The following RABGAP1 variants were observed in gnomAD, a reference collection of about 807,000 sequenced individuals.
RABGAP1 encodes the protein RAB GTPase activating protein 1.
A neutral mutation model predicts 137.6 loss-of-function variants in RABGAP1; 23 were observed. The observed-to-expected ratio is 0.17, with a 90% CI of 0.12 to 0.24. RABGAP1 has a LOEUF of 0.24. Ranked by LOEUF, RABGAP1 falls within the 10% of genes least tolerant of loss-of-function variation. RABGAP1 has a pLI of 1.00. For synonymous variants in RABGAP1, 451 were observed against 450.7 expected (o/e 1.00, Z -0.01); for missense variants, 906 against 1,275.8 (o/e 0.71, Z 4.42).
At chr9:123,003,611 T>C (rs1265074507) in intron 10 of RABGAP1, among the ~76,000 whole-genome samples, 1 of 152,220 alleles carries the variant, frequency 6.6e-6, no homozygotes, top group Non-Finnish European at 1.5e-5. Context: ...AAATTGATTC[T>C]TTTTCCTTTC....
intron 23 of RABGAP1, 35 bp from the exon 24 acceptor site, chr9:123,099,443 C>T: frequency 1.3e-6 from 2 of 1,552,114 alleles, no homozygotes; most frequent in East Asian, 4.5e-5. Context: ...ATTACAATTG[C>T]TCAAGAGATT....
At chr9:122,952,702 T>C (rs941651444) in intron 1 of RABGAP1, among the ~76,000 whole-genome samples, 2 of 152,096 alleles carry the variant, frequency 1.3e-5, no homozygotes, top group South Asian at 4.1e-4. Context: ...CACTACCACA[T>C]TCCAGCCTGG....
At chr9:122,997,582 TTTTCTTTC>T (rs58405143) in intron 9 of RABGAP1, among the ~76,000 whole-genome samples, 2 of 151,148 alleles carry the variant, frequency 1.3e-5, no homozygotes, top group South Asian at 2.1e-4. Context: ...CCCCTCTTTC[TTTTCTTTC>T]TTTCTATTTA....
intron 5 of RABGAP1, 177 bp from the exon 6 acceptor site, chr9:122,989,879 T>C: frequency 3.1e-6 from 2 of 647,770 alleles, no homozygotes; most frequent in Non-Finnish European, 5.0e-6. Context: ...TAAAACCCCT[T>C]GTCTGGACAT....
At chr9:122,946,443 CTT>C (rs1488217298) in intron 1 of RABGAP1, among the ~76,000 whole-genome samples, 6 of 152,104 alleles carry the variant, frequency 3.9e-5, no homozygotes, top group African/African-American at 7.2e-5. Context: ...GAGGAAAAGT[CTT>C]TGACTAACCC....
chr9:123,087,882 C>A (rs1015335317), intron 19 of RABGAP1, among the ~76,000 whole-genome samples: 1 of 152,112 alleles, frequency 6.6e-6, no homozygotes, highest in African/African-American at 2.4e-5. Flanking sequence ...TGTTCCCTTT[C>A]TAGGTCTTAT....
rs747639010 is a variant in RABGAP1 at position 123,015,649 on chromosome 9, A to G, written c.1643+13A>G. On this transcript the variant is annotated intron_variant, in intron 12 of 25. Transcript: ENST00000373647. ...TGTTGTCAAAATGGTAAGTTATGAT[A>G]GAATAGTTTTTTTTATCTGCAATTT... is the stretch of plus-strand genomic sequence containing the variant. 6.4e-7 allele frequency: 1 copy of G among 1,570,258 alleles called. No individual in the cohort carries two copies. Among genetic ancestry groups the G allele is most frequent in the African/African-American group, 1.4e-5 (1 of 73,858 alleles).
chr9:123,100,593 C>T (rs1471597754), intron 24 of RABGAP1, among the ~76,000 whole-genome samples: 7 of 151,924 alleles, frequency 4.6e-5, no homozygotes, highest in South Asian at 2.1e-4. Context: ...GCTAATTTTT[C>T]GATTTTTAGT....
At chr9:122,959,835 T>A (rs1422210764) in intron 2 of RABGAP1, among the ~76,000 whole-genome samples, 3 of 152,204 alleles carry the variant, frequency 2.0e-5, no homozygotes, top group African/African-American at 7.2e-5. Flanking sequence ...GTTGGGGGCC[T>A]TGTTTTTCTG....
chr9:123,057,993 G>GACGGCAGCAGCACAGTCCAGCCTCGGC (rs1331166473), intron 13 of RABGAP1, among the ~76,000 whole-genome samples: 2 of 144,292 alleles, frequency 1.4e-5, no homozygotes, highest in African/African-American at 2.5e-5. Flanking sequence ...AGTGAGCCGA[G>GACGGCAGCAGCACAGTCCAGCCTCGGC]ACGGCAGCAG....
At chr9:122,983,418 G>A (rs563894740) in intron 2 of RABGAP1, among the ~76,000 whole-genome samples, 7 of 152,200 alleles carry the variant, frequency 4.6e-5, no homozygotes, top group East Asian at 3.9e-4. Context: ...GAAAATGTCC[G>A]CAAAAAAGAC....
chr9:123,027,362 G>C (rs1453096398), intron 13 of RABGAP1, among the ~76,000 whole-genome samples: 2 of 152,070 alleles, frequency 1.3e-5, no homozygotes. Flanking sequence ...GATCCCCCCA[G>C]CTTGGCCTTC....
chr9:123,089,931 G>T, intron 20 of RABGAP1, 81 bp downstream of exon 20: 2 of 1,244,298 alleles, frequency 1.6e-6, no homozygotes, highest in Non-Finnish European at 2.3e-6. Flanking sequence ...GCTTTATTGA[G>T]TCCTTTTTAA....
chr9:122,936,422 G>A (rs917433747), upstream of RABGAP1, among the ~76,000 whole-genome samples: 1 of 152,196 alleles, frequency 6.6e-6, no homozygotes, highest in Non-Finnish European at 1.5e-5. Context: ...AAGTAACTAT[G>A]TTGGAACTCT....
intron 3 of RABGAP1, 58 bp from the exon 4 acceptor site, chr9:122,986,157 C>G: frequency 6.7e-7 from 1 of 1,494,094 alleles, no homozygotes; most frequent in Non-Finnish European, 9.3e-7. Flanking sequence ...ACTTGCTAAT[C>G]GTATCAACAA....
chr9:122,978,834 C>A lies in RABGAP1; in HGVS notation c.151-5651C>A, dbSNP rs114102610. Among the ~76,000 whole-genome samples, 1,333 of 152,098 alleles carry A rather than the reference C, an allele frequency of 8.8e-3. 15 individuals are homozygous for A. The highest frequency in any genetic ancestry group is 0.03 in the African/African-American group (1,259 of 41,494). ...GTTTTCTAGTCGCTCCTTATTCTTG[C>A]CAGCCCTTCCTATTGTCAGAGTTGT... is the stretch of plus-strand genomic sequence containing the variant. On this transcript the variant is annotated intron_variant, in intron 2 of 25. Transcript: ENST00000373647.
At chr9:122,936,559 G>C (rs763408056), upstream of RABGAP1, among the ~76,000 whole-genome samples, 1 of 152,164 alleles carries the variant, frequency 6.6e-6, no homozygotes, top group African/African-American at 2.4e-5. Flanking sequence ...CCTGTAGCAC[G>C]CAGCTGTATC....
chr9:123,011,955 TCAACAACAA>T (rs534225221), intron 11 of RABGAP1, among the ~76,000 whole-genome samples: 106 of 152,044 alleles, frequency 7.0e-4, no homozygotes, highest in Non-Finnish European at 1.1e-3. Flanking sequence ...AAACTCTGTC[TCAACAACAA>T]CAACAACAAC....
chr9:123,099,353 C>T (rs2035275058), intron 23 of RABGAP1, 125 bp from the exon 24 acceptor site: 1 of 864,490 alleles, frequency 1.2e-6, no homozygotes, highest in Admixed American at 2.1e-5. Context: ...ATATCCCCTC[C>T]TGAGCGGTAG....
Sources: gnomAD v4.1 joint callset for allele counts (sites outside exome capture counted in the v4.1 genomes callset) on GRCh38, gnomAD v4.1.1 for gene constraint, MANE v1.5 for transcripts, NCBI Gene and HGNC (gene_info 2026-07-23, HGNC 2026-07-21) for gene names.